RBM23: variants seen among roughly 807,000 people sequenced by gnomAD.
The protein encoded by RBM23 is RNA binding motif protein 23, also known as probable RNA-binding protein 23.
In RBM23, 53 loss-of-function variants were observed where a neutral mutation model predicts 56.2. The observed-to-expected ratio is 0.94, with a 90% confidence interval of 0.76 to 1.19. The LOEUF (loss-of-function observed/expected upper bound fraction) is 1.19, where lower values mean the gene tolerates loss of function less well. Ranked by LOEUF, RBM23 falls within the 50% of genes most tolerant of loss-of-function variation. RBM23 has a pLI of 0.00. For missense variants in RBM23, 642 were observed against 590.3 expected (o/e 1.09, Z -0.91); for synonymous variants, 197 against 198.5 (o/e 0.99, Z 0.06).
In RBM23 at chr14:22,901,383, T is replaced by TTA. The variant is rs5807193; in HGVS notation, c.*346_*347insTA. 374,571 of 399,432 alleles carry TTA rather than the reference T, an allele frequency of 0.94. 176,032 individuals carry two copies. Among genetic ancestry groups the TTA allele is most frequent in the East Asian group, 1 (23,666 of 23,668 alleles). The allele number at this position is 399,432 out of a possible 1,614,324, so 24.7% of individuals were successfully genotyped here. Reference sequence around the variant, plus strand: ...AAAGGAGAGAGGTCAGTTCCTTCAGTATGCCCTATGGCCTTCCCAATGGGG... The same window carrying TTA: ...AAAGGAGAGAGGTCAGTTCCTTCAGTTAATGCCCTATGGCCTTCCCAATGGGG... On this transcript the variant is annotated 3_prime_UTR_variant, in exon 14 of 14. Transcript: ENST00000359890.
chr14:22,903,341 A>C (rs774114288), intron 10 of RBM23: 37 of 985,386 alleles, frequency 3.8e-5, no homozygotes, highest in Non-Finnish European at 4.3e-5. Context: ...CAACAATGCA[A>C]GGGCAAAAAT....
At chr14:22,914,591 G>A (rs1022188317) in intron 1 of RBM23, among the ~76,000 whole-genome samples, 1 of 151,858 alleles carries the variant, frequency 6.6e-6, no homozygotes, top group Non-Finnish European at 1.5e-5. Context: ...CAGTTTTATC[G>A]TGTGCCCATT....
chr14:22,908,608 C>A (rs946251196), intron 3 of RBM23: 2 of 415,228 alleles, frequency 4.8e-6, no homozygotes, highest in Non-Finnish European at 8.6e-6. Context: ...TGGCCAGGTT[C>A]ATCTTGAACC....
At chr14:22,915,977 G>T (rs892642278) in intron 1 of RBM23, among the ~76,000 whole-genome samples, 3 of 152,198 alleles carry the variant, frequency 2.0e-5, no homozygotes, top group Non-Finnish European at 4.4e-5. Context: ...TCAGCACTTT[G>T]GGAAGCTAAG....
chr14:22,896,680 CAACT>C lies in RBM23; in HGVS notation c.*5046_*5049del, dbSNP rs1425568053. The stretch of plus-strand genomic sequence containing the variant: ...GGCTCTTGAGAGCAGATCATCTGAA[CAACT>C]AATAGACTTCATCCAACTTTTTGAA... On this transcript the variant is annotated 3_prime_UTR_variant, in exon 14 of 14. Transcript: ENST00000359890. 6.6e-6 allele frequency: 1 copy of C among 152,184 alleles called. No individual in the cohort carries two copies. The highest frequency in any genetic ancestry group is 1.9e-4 in the East Asian group (1 of 5,200). The allele number at this position is 152,184 out of a possible 1,614,324, so 9.4% of individuals were successfully genotyped here.
At position 22,903,868 on chromosome 14, in the gene RBM23, G is replaced by A. The variant is rs1041221164; in HGVS notation, c.930+393C>T. 7.8e-6 allele frequency: 9 copies of A among 1,150,496 alleles called. No homozygotes were observed. The African/African-American group carries it at 1.3e-4, about 16-fold the overall frequency. The allele number at this position is 1,150,496 out of a possible 1,614,324, so 71.3% of individuals were successfully genotyped here. ...TGCTTCAAATGGGGTAGCACCAGAG[G>A]GAAGTATAATTTCCTATTCCCATCC... On this transcript the variant is annotated intron_variant, in intron 10 of 13. Transcript: ENST00000359890.
At chr14:22,906,166 A>G in intron 5 of RBM23, 29 bp downstream of exon 5, 1 of 1,611,790 alleles carries the variant, frequency 6.2e-7, no homozygotes, top group Non-Finnish European at 8.5e-7. Context: ...TTATTATACA[A>G]AAGTGAATCT....
At chr14:22,909,819 AC>A (rs1236837013) in intron 2 of RBM23, among the ~76,000 whole-genome samples, 1 of 152,144 alleles carries the variant, frequency 6.6e-6, no homozygotes, top group African/African-American at 2.4e-5. Flanking sequence ...AACTTCAGTT[AC>A]CCAACATCTG....
At chr14:22,912,156 C>G (rs1380913776) in intron 1 of RBM23, among the ~76,000 whole-genome samples, 1 of 152,052 alleles carries the variant, frequency 6.6e-6, no homozygotes, top group African/African-American at 2.4e-5. Flanking sequence ...CTGGCTGCTA[C>G]AGATGTGAGA....
rs190139932 is a variant in RBM23 at position 22,915,910 on chromosome 14, C to T, written c.-11+3089G>A. Among the ~76,000 whole-genome samples, 4 of 152,316 alleles carry T rather than the reference C, an allele frequency of 2.6e-5. No homozygotes were observed. In the East Asian group the frequency reaches 5.8e-4, roughly 22 times the overall value. On this transcript the variant is annotated intron_variant, in intron 1 of 13. Transcript: ENST00000359890. Reference sequence around the variant, plus strand: ...TTTAAAACTAACGTTTTTTGAACTGCTCAAAGTCATACATAGCTCAAGGGC... The same window carrying T: ...TTTAAAACTAACGTTTTTTGAACTGTTCAAAGTCATACATAGCTCAAGGGC...
chr14:22,903,859 GC>G (rs1226142769), intron 10 of RBM23: 5 of 1,137,230 alleles, frequency 4.4e-6, no homozygotes, highest in Non-Finnish European at 5.5e-6. Flanking sequence ...AAATGGGGTA[GC>G]ACCAGAGGGA....
rs1043162652 is a variant in RBM23 at position 22,909,537 on chromosome 14, G to C, written c.125C>G (p.Thr42Ser). 1 of 1,613,446 alleles carries C rather than the reference G, an allele frequency of 6.2e-7. No individual in the cohort carries two copies. The highest frequency in any genetic ancestry group is 8.5e-7 in the Non-Finnish European group (1 of 1,180,006). Residue 42 changes from threonine to serine, a missense_variant, in exon 3 of 14, where the codon ACC (threonine) becomes AGC (serine). Thr to Ser is a moderately conservative substitution (Grantham distance 58). Coordinates refer to ENST00000359890, the MANE Select transcript of RBM23 (RefSeq NM_001077351.2). ...KDYPSNTTSS[T>S]SNSGNETSGS... ...ACTGGTCTCATTGCCACTGTTGCTG[G>C]TGCTGCTGGTGGTATTGCTAGGATA...
chr14:22,903,901 G>T (rs2041055721), intron 10 of RBM23: 2 of 1,192,502 alleles, frequency 1.7e-6, no homozygotes, highest in Non-Finnish European at 2.1e-6. Context: ...TCCCTGTTAT[G>T]AGAAACATCA....
In RBM23 at chr14:22,901,636, T is replaced by C. The variant is rs1405918339; in HGVS notation, c.*94A>G. 5 of 1,532,466 alleles carry C rather than the reference T, an allele frequency of 3.3e-6. No homozygotes were observed. The highest frequency in any genetic ancestry group is 2.7e-6 in the Non-Finnish European group (3 of 1,107,578). 94.9% of individuals were successfully genotyped at this position (1,532,466 alleles called of 1,614,324 possible). On this transcript the variant is annotated 3_prime_UTR_variant, in exon 14 of 14. Coordinates refer to ENST00000359890, the MANE Select transcript of RBM23 (RefSeq NM_001077351.2). ...ACAATGTCCATGCCCTCAGGATGGCTTGGTCCACAAAATGGAGAAATGGGG... is the reference window on the plus strand; with the variant it reads ...ACAATGTCCATGCCCTCAGGATGGCCTGGTCCACAAAATGGAGAAATGGGG...
chr14:22,898,924 C>CAT lies in RBM23; in HGVS notation c.*2804_*2805dup, dbSNP rs1230557951. 2.0e-5 allele frequency: 3 copies of CAT among 152,134 alleles called. No homozygotes were observed. Among genetic ancestry groups the CAT allele is most frequent in the African/African-American group, 7.2e-5 (3 of 41,416 alleles). The allele number at this position is 152,134 out of a possible 1,614,324, so 9.4% of individuals were successfully genotyped here. On this transcript the variant is annotated 3_prime_UTR_variant, in exon 14 of 14. Coordinates refer to ENST00000359890, the MANE Select transcript of RBM23 (RefSeq NM_001077351.2). ...ATCAATAACTGTAGGGGTGCTGGGT[C>CAT]ATAGCCAGCAGCTTCTACCTAAAAA...
chr14:22,912,623 C>T (rs2042721681), intron 1 of RBM23, among the ~76,000 whole-genome samples: 1 of 152,274 alleles, frequency 6.6e-6, no homozygotes, highest in Non-Finnish European at 1.5e-5. Flanking sequence ...AAAATAATTA[C>T]ACGGAGTGAC....
At chr14:22,910,837 C>T (rs1756353358) in intron 2 of RBM23, among the ~76,000 whole-genome samples, 2 of 152,108 alleles carry the variant, frequency 1.3e-5, no homozygotes, top group South Asian at 4.1e-4. Context: ...ATGGTGAAAC[C>T]CCGTCTCTAC....
Position 22,900,329 on chromosome 14 carries a change from A to ACCCCCCCCCCCCCCCCCCC in RBM23, c.*1400_*1401insGGGGGGGGGGGGGGGGGGG, listed in dbSNP as rs34197647. ...TGGTACTTAACTCTTCAAGATCACA[A>ACCCCCCCCCCCCCCCCCCC]CCCCCCCCCCTCCCCGCCCCGCCCC... is the stretch of plus-strand genomic sequence containing the variant. On this transcript the variant is annotated 3_prime_UTR_variant, in exon 14 of 14. Transcript: ENST00000359890. 5.3e-5 allele frequency: 7 copies of ACCCCCCCCCCCCCCCCCCC among 132,568 alleles called. No homozygotes were observed. The highest frequency in any genetic ancestry group is 8.0e-5 in the Admixed American group (1 of 12,432). 8.2% of individuals were successfully genotyped at this position (132,568 alleles called of 1,614,324 possible). A position where few individuals can be genotyped will look rare whatever the true frequency, so the allele number is the denominator to read the frequency against.
chr14:22,904,896 G>GC lies in RBM23; in HGVS notation c.842dup (p.Ile282HisfsTer3). The GC allele has an allele frequency of 6.2e-7, 1 of 1,614,188 alleles. No individual in the cohort carries two copies. The highest frequency in any genetic ancestry group is 8.5e-7 in the Non-Finnish European group (1 of 1,180,022). The stretch of plus-strand genomic sequence containing the variant: ...TCACTTTACCAAAGGGCTCAAAGAT[G>GC]CCCCGGAGCATGTCTTCAGTGATAT... On this transcript the variant is annotated frameshift_variant, in exon 9 of 14. Coordinates refer to ENST00000359890, the MANE Select transcript of RBM23 (RefSeq NM_001077351.2). LOFTEE classifies it high-confidence loss of function.
Sources: allele counts gnomAD v4.1 joint callset (sites outside exome capture counted in the v4.1 genomes callset), GRCh38; gene constraint gnomAD v4.1.1; transcripts MANE v1.5; gene names NCBI Gene and HGNC (gene_info 2026-07-23, HGNC 2026-07-21).